SETBP1: variants seen among roughly 807,000 people sequenced by gnomAD.
The protein encoded by SETBP1 is SET-binding protein.
A neutral mutation model predicts 101.0 loss-of-function variants in SETBP1; 9 were observed. That is an observed-to-expected ratio of 0.09 (90% CI 0.05 to 0.16). The LOEUF (loss-of-function observed/expected upper bound fraction) is 0.16. Ranked by LOEUF, SETBP1 falls within the 10% of genes least tolerant of loss-of-function variation. The probability of loss-of-function intolerance (pLI) is 1.00; values close to 1 mark genes in which losing one functional copy is unlikely to be tolerated. For missense variants in SETBP1, 1,858 were observed against 2,033.8 expected (o/e 0.91, Z 1.66); for synonymous variants, 818 against 788.5 (o/e 1.04, Z -0.63).
At chr18:45,051,460 G>A (rs759013302) in intron 5 of SETBP1, among the ~76,000 whole-genome samples, 5 of 152,110 alleles carry the variant, frequency 3.3e-5, no homozygotes, top group African/African-American at 4.8e-5. Context: ...CACATGCTTG[G>A]CAATGAAAAG....
At chr18:44,799,883 A>G (rs1158619815) in intron 2 of SETBP1, among the ~76,000 whole-genome samples, 1 of 152,148 alleles carries the variant, frequency 6.6e-6, no homozygotes, top group Non-Finnish European at 1.5e-5. Flanking sequence ...ATGTGTAGGT[A>G]TAGAAATCAG....
chr18:45,011,755 T>C (rs1255729062), intron 4 of SETBP1, among the ~76,000 whole-genome samples: 6 of 152,172 alleles, frequency 3.9e-5, no homozygotes, highest in Non-Finnish European at 8.8e-5. Context: ...GCCCCATGAG[T>C]CAGACCACCT....
In SETBP1 at chr18:44,994,911, A is replaced by T. The variant is rs1041665000; in HGVS notation, c.4000+41571A>T. Among the ~76,000 whole-genome samples the T allele has an allele frequency of 1.1e-4, 16 of 152,172 alleles. No homozygotes were observed. In the East Asian group the frequency reaches 2.9e-3, roughly 27 times the overall value. ...GGTTGTATATTGCACAAGGATTTCC[A>T]GCCAAGGGAGTAATTAGAGCTAAAT... On this transcript the variant is annotated intron_variant, in intron 4 of 5. Transcript: ENST00000649279.
At chr18:44,789,424 T>C (rs1186842140) in intron 2 of SETBP1, among the ~76,000 whole-genome samples, 1 of 152,194 alleles carries the variant, frequency 6.6e-6, no homozygotes, top group Non-Finnish European at 1.5e-5. Context: ...TTTCAGCAAG[T>C]ACAAACATGC....
At position 44,970,867 on chromosome 18, in the gene SETBP1, CT is replaced by C. The variant is rs762332205; in HGVS notation, c.4000+17538del. Reference sequence around the variant, plus strand: ...CACCCGGCTGGGCTTGTTTTCTTTTCTTTTTTTTTTTAATTATACTTTAAGT... The same window carrying C: ...CACCCGGCTGGGCTTGTTTTCTTTTCTTTTTTTTTTAATTATACTTTAAGT... On this transcript the variant is annotated intron_variant, in intron 4 of 5. Transcript: ENST00000649279. 3.4e-3 allele frequency among the ~76,000 whole-genome samples: 501 copies of C among 146,974 alleles called. 2 individuals carry two copies. Among genetic ancestry groups the C allele is most frequent in the African/African-American group, 5.8e-3 (235 of 40,218 alleles).
At chr18:44,914,048 T>C (rs2070373561) in intron 3 of SETBP1, among the ~76,000 whole-genome samples, 1 of 152,190 alleles carries the variant, frequency 6.6e-6, no homozygotes. Context: ...TGTCCTTAGC[T>C]GGGGGACAGG....
At chr18:44,890,298 A>G (rs570460819) in intron 3 of SETBP1, among the ~76,000 whole-genome samples, 2 of 152,232 alleles carry the variant, frequency 1.3e-5, no homozygotes, top group South Asian at 2.1e-4. Flanking sequence ...TTCTTACTGC[A>G]GTATCGCCAA....
At chr18:44,907,174 T>G (rs1249828508) in intron 3 of SETBP1, among the ~76,000 whole-genome samples, 4 of 152,252 alleles carry the variant, frequency 2.6e-5, no homozygotes, top group Admixed American at 1.3e-4. Context: ...TGCTGTAGGA[T>G]GTATTGATAC....
intron 4 of SETBP1, among the ~76,000 whole-genome samples, chr18:44,968,166 G>A (rs1317893258): frequency 6.6e-6 from 1 of 152,060 alleles, no homozygotes; most frequent in Admixed American, 6.5e-5. Context: ...AGGTACACTG[G>A]GAATAAAGAG....
chr18:44,770,095 A>T (rs2144629325), intron 2 of SETBP1, among the ~76,000 whole-genome samples: 1 of 152,364 alleles, frequency 6.6e-6, no homozygotes, highest in Admixed American at 6.5e-5. Context: ...TCTTTTGAGA[A>T]ATCAAACACA....
intron 3 of SETBP1, among the ~76,000 whole-genome samples, chr18:44,875,376 GGCGTGGTGCT>G (rs1403122633): frequency 6.6e-6 from 1 of 151,816 alleles, no homozygotes; most frequent in African/African-American, 2.4e-5. Flanking sequence ...AAACTAGCTG[GGCGTGGTGCT>G]GCGTGCCTGT....
chr18:44,826,569 A>G (rs755873969), intron 2 of SETBP1, among the ~76,000 whole-genome samples: 5 of 152,172 alleles, frequency 3.3e-5, no homozygotes, highest in Non-Finnish European at 5.9e-5. Context: ...GCTAAAAGCC[A>G]GGAGAGAGAC....
intron 2 of SETBP1, among the ~76,000 whole-genome samples, chr18:44,861,951 C>T (rs17786522): frequency 0.046 from 6,948 of 152,278 alleles, 226 homozygotes; most frequent in South Asian, 0.076. Context: ...AAACAAGACT[C>T]ATCATCTCAG....
intron 3 of SETBP1, among the ~76,000 whole-genome samples, chr18:44,925,442 G>T (rs780540615): frequency 1.3e-5 from 2 of 152,112 alleles, no homozygotes; most frequent in Non-Finnish European, 2.9e-5. Context: ...TATTTTTATA[G>T]CACACTAAAT....
intron 3 of SETBP1, among the ~76,000 whole-genome samples, chr18:44,893,678 A>C (rs2069824566): frequency 6.6e-6 from 1 of 152,164 alleles, no homozygotes; most frequent in Non-Finnish European, 1.5e-5. Context: ...TTATGAATTC[A>C]ATTTAGGGGG....
At chr18:44,831,050 G>A (rs1599188088) in intron 2 of SETBP1, among the ~76,000 whole-genome samples, 2 of 152,168 alleles carry the variant, frequency 1.3e-5, no homozygotes, top group African/African-American at 4.8e-5. Flanking sequence ...GTATAGAGCT[G>A]TCTTTTCTTT....
intron 4 of SETBP1, among the ~76,000 whole-genome samples, chr18:45,006,528 T>C (rs1226604059): frequency 1.3e-5 from 2 of 152,196 alleles, no homozygotes; most frequent in Non-Finnish European, 2.9e-5. Context: ...GTTCCATGCT[T>C]CTCTCCTTGC....
At chr18:44,873,290 C>G (rs1319948939) in intron 3 of SETBP1, among the ~76,000 whole-genome samples, 1 of 152,106 alleles carries the variant, frequency 6.6e-6, no homozygotes, top group Admixed American at 6.6e-5. Flanking sequence ...GACGAAGTTA[C>G]CTAATGTCTT....
At chr18:44,874,950 G>T (rs2069362500) in intron 3 of SETBP1, among the ~76,000 whole-genome samples, 1 of 152,172 alleles carries the variant, frequency 6.6e-6, no homozygotes, top group African/African-American at 2.4e-5. Context: ...GAAAAGGAAG[G>T]CTGAAGCAGG....
Sources: allele counts gnomAD v4.1 joint callset (sites outside exome capture counted in the v4.1 genomes callset), GRCh38; gene constraint gnomAD v4.1.1; transcripts MANE v1.5; gene names NCBI Gene and HGNC (gene_info 2026-07-23, HGNC 2026-07-21).